The following CAMK2G variants were observed in gnomAD, a reference collection of about 807,000 sequenced individuals.
CAMK2G encodes calcium/calmodulin-dependent protein kinase type II subunit gamma.
In CAMK2G, 23 loss-of-function variants were observed where a neutral mutation model predicts 88.7. The ratio of observed to expected loss-of-function variants is 0.26; its 90% CI spans 0.19 to 0.37. The LOEUF (loss-of-function observed/expected upper bound fraction) is 0.37. Ranked by LOEUF, CAMK2G falls within the 10% of genes least tolerant of loss-of-function variation. CAMK2G has a pLI of 1.00. For missense variants in CAMK2G, 476 were observed against 780.8 expected, an observed-to-expected ratio of 0.61 and a Z score of 4.65; for synonymous variants, 263 against 294.8, an observed-to-expected ratio of 0.89 and a Z score of 1.11.
intron 14 of CAMK2G, among the ~76,000 whole-genome samples, chr10:73,830,738 T>C (rs980308010): frequency 6.6e-6 from 1 of 152,222 alleles, no homozygotes; most frequent in Non-Finnish European, 1.5e-5. Context: ...TACTCTTCCA[T>C]AGACCCTGGG....
At chr10:73,844,666 C>T (rs1007136656) in intron 10 of CAMK2G, among the ~76,000 whole-genome samples, 1 of 152,158 alleles carries the variant, frequency 6.6e-6, no homozygotes, top group Non-Finnish European at 1.5e-5. Context: ...CCTTGGTCTC[C>T]CAAAGTGCTG....
chr10:73,834,333 T>G (rs890727244), intron 14 of CAMK2G, among the ~76,000 whole-genome samples: 25 of 152,334 alleles, frequency 1.6e-4, no homozygotes, highest in Non-Finnish European at 3.4e-4. Flanking sequence ...TGGGTGATCA[T>G]TGGCCTCTGG....
Position 73,842,353 on chromosome 10 carries a change from G to A in CAMK2G, c.903+105C>T. The A allele has an allele frequency of 8.7e-7, 1 of 1,155,200 alleles. No individual in the cohort carries two copies. The highest frequency in any genetic ancestry group is 1.3e-6 in the Non-Finnish European group (1 of 763,360). The allele number at this position is 1,155,200 out of a possible 1,614,324, so 71.6% of individuals were successfully genotyped here. Reference sequence around the variant, plus strand: ...CCCTGTGACATGTACAACCTTCAGAGCCCAGCTCCAGCCAGGAGGGGAGCT... The same window carrying A: ...CCCTGTGACATGTACAACCTTCAGAACCCAGCTCCAGCCAGGAGGGGAGCT... On this transcript the variant is annotated intron_variant, in intron 11 of 22. Coordinates refer to ENST00000423381, the MANE Select transcript of CAMK2G (RefSeq NM_001367534.1). This position sits in a 1 kb window ranked among gnomAD's most constrained non-coding sequence, Gnocchi z 4.6.
intron 15 of CAMK2G, among the ~76,000 whole-genome samples, chr10:73,827,218 GCT>G (rs1256171443): frequency 6.6e-6 from 1 of 152,112 alleles, no homozygotes; most frequent in Non-Finnish European, 1.5e-5. Context: ...ACGGAGTCTA[GCT>G]CTGTCGCCCA....
intron 18 of CAMK2G, 52 bp downstream of exon 18, chr10:73,821,630 A>C: frequency 7.0e-7 from 1 of 1,419,778 alleles, no homozygotes; most frequent in East Asian, 2.3e-5. Context: ...ATTGGAGCCC[A>C]GGTACCTGGG....
intron 2 of CAMK2G, among the ~76,000 whole-genome samples, chr10:73,868,962 C>T (rs2095699176): frequency 6.6e-6 from 1 of 152,174 alleles, no homozygotes; most frequent in African/African-American, 2.4e-5. Flanking sequence ...ATCCCGAGGC[C>T]CAGAACGAGG....
chr10:73,867,758 G>T (rs999530206), intron 2 of CAMK2G, among the ~76,000 whole-genome samples: 1 of 152,172 alleles, frequency 6.6e-6, no homozygotes, highest in African/African-American at 2.4e-5. Context: ...TAGATGGAGA[G>T]GTGTGAGGTG....
chr10:73,847,378 G>A (rs746472961), intron 9 of CAMK2G, 31 bp from the exon 10 acceptor site: 20 of 1,612,746 alleles, frequency 1.2e-5, no homozygotes, highest in Admixed American at 1.0e-4. Flanking sequence ...GAAGAATGTG[G>A]TATTGGTGAG....
intron 14 of CAMK2G, among the ~76,000 whole-genome samples, chr10:73,831,851 C>A (rs1033058938): frequency 6.6e-6 from 1 of 151,824 alleles, no homozygotes. Context: ...CAGAGTGAGA[C>A]CCTGTCTCAA....
At chr10:73,852,558 C>A in intron 4 of CAMK2G, 1 of 537,536 alleles carries the variant, frequency 1.9e-6, no homozygotes, top group Non-Finnish European at 3.3e-6. Context: ...CACAGATTCA[C>A]TAATAGTCAG....
chr10:73,830,398 A>C lies in CAMK2G; in HGVS notation c.1054-2277T>G, dbSNP rs2092243525. On this transcript the variant is annotated intron_variant, in intron 14 of 22. Transcript: ENST00000423381. Reference sequence around the variant, plus strand: ...GGGATCTTCCTGCCTCAGCCACCTGAGTAGCTAGGACTACAGGTGCACACC... The same window carrying C: ...GGGATCTTCCTGCCTCAGCCACCTGCGTAGCTAGGACTACAGGTGCACACC... 2.0e-5 allele frequency among the ~76,000 whole-genome samples: 3 copies of C among 152,326 alleles called. No homozygotes were observed. The South Asian group carries it at 6.2e-4, about 32-fold the overall frequency.
At chr10:73,860,993 G>T in intron 2 of CAMK2G, 104 bp from the exon 3 acceptor site, 1 of 809,932 alleles carries the variant, frequency 1.2e-6, no homozygotes. Flanking sequence ...ATGCATTTGT[G>T]ATGATTTGCT....
At chr10:73,835,895 C>T (rs770747576) in intron 14 of CAMK2G, among the ~76,000 whole-genome samples, 2 of 152,126 alleles carry the variant, frequency 1.3e-5, no homozygotes, top group South Asian at 2.1e-4. Flanking sequence ...AGTGCAATGG[C>T]GCAATCTTGG....
At chr10:73,843,183 C>A (rs1045741724) in intron 10 of CAMK2G, among the ~76,000 whole-genome samples, 2 of 151,964 alleles carry the variant, frequency 1.3e-5, no homozygotes, top group African/African-American at 4.8e-5. Context: ...CCTGTCTTGG[C>A]CTCCCGAGTA....
rs2094394971 is a variant in CAMK2G, at chr10:73,848,315, C to A, written c.601+211G>T. 6.6e-6 allele frequency among the ~76,000 whole-genome samples: 1 copy of A among 152,194 alleles called. No individual in the cohort carries two copies. The highest frequency in any genetic ancestry group is 1.5e-5 in the Non-Finnish European group (1 of 68,032). On this transcript the variant is annotated intron_variant, in intron 8 of 22. Transcript: ENST00000423381. This position sits in a 1 kb window ranked among gnomAD's most constrained non-coding sequence, Gnocchi z 4.5. ...CACAACCCATCCTCTAAGGCGTGGG[C>A]AAATCCCTCTCCAAGAAGGATACAA...
chr10:73,824,468 A>T lies in CAMK2G; in HGVS notation c.1156-384T>A, dbSNP rs1051030472. 2.6e-5 allele frequency among the ~76,000 whole-genome samples: 4 copies of T among 152,360 alleles called. No homozygotes were observed. In the East Asian group the frequency reaches 7.7e-4, roughly 29 times the overall value. On this transcript the variant is annotated intron_variant, in intron 16 of 22. Transcript: ENST00000423381. ...AGGCCGGGCCCCGCCCACAGCGTTC[A>T]TCACGGGGAATGTGTGAGGCAGGAA...
chr10:73,837,262 C>T, intron 14 of CAMK2G: 1 of 636,536 alleles, frequency 1.6e-6, no homozygotes, highest in Non-Finnish European at 2.9e-6. Context: ...TGAGTCATTC[C>T]CATCCAGCTA....
chr10:73,856,192 A>C (rs901808290), intron 3 of CAMK2G, among the ~76,000 whole-genome samples: 1 of 152,204 alleles, frequency 6.6e-6, no homozygotes, highest in African/African-American at 2.4e-5. Flanking sequence ...CCAGCTCTGC[A>C]GGGTAGCTAC....
At chr10:73,835,100 G>A (rs1019452100) in intron 14 of CAMK2G, among the ~76,000 whole-genome samples, 3 of 152,002 alleles carry the variant, frequency 2.0e-5, no homozygotes, top group African/African-American at 7.2e-5. Context: ...CTCAATTCCT[G>A]GCCATCTCCT....
Sources: gnomAD v4.1 joint callset for allele counts (sites outside exome capture counted in the v4.1 genomes callset) on GRCh38, gnomAD v4.1.1 for gene constraint, Gnocchi (gnomAD v3.1) non-coding constraint, MANE v1.5 for transcripts, NCBI Gene and HGNC (gene_info 2026-07-23, HGNC 2026-07-21) for gene names.